LUZP2: variants seen among roughly 807,000 people sequenced by gnomAD.
LUZP2 encodes the protein leucine zipper protein 2.
A neutral mutation model predicts 51.6 loss-of-function variants in LUZP2; 52 were observed. The ratio of observed to expected loss-of-function variants is 1.01; its 90% CI spans 0.81 to 1.27. The LOEUF is 1.27. LUZP2 is among the 50% of genes most tolerant of loss of function. The pLI, the probability that LUZP2 is intolerant of heterozygous loss-of-function variation, is 0.00. For missense variants in LUZP2, 436 were observed against 395.4 expected (o/e 1.10, Z -0.87); for synonymous variants, 154 against 137.3 (o/e 1.12, Z -0.85).
intron 1 of LUZP2, among the ~76,000 whole-genome samples, chr11:24,528,298 C>T (rs573497731): frequency 6.6e-6 from 1 of 151,170 alleles, no homozygotes; most frequent in Non-Finnish European, 1.5e-5. Context: ...TTCCTTACTG[C>T]AGGAATTTCT....
chr11:24,673,479 G>A (rs1263213697), intron 1 of LUZP2, among the ~76,000 whole-genome samples: 1 of 152,164 alleles, frequency 6.6e-6, no homozygotes, highest in Non-Finnish European at 1.5e-5. Context: ...GGTCATGGGT[G>A]TTAAGAGATT....
intron 5 of LUZP2, among the ~76,000 whole-genome samples, chr11:24,795,136 A>G (rs1232545487): frequency 6.6e-6 from 1 of 152,176 alleles, no homozygotes; most frequent in Non-Finnish European, 1.5e-5. Flanking sequence ...AACCACTAAC[A>G]TAGTAATCAT....
At chr11:25,078,527 A>G in intron 11 of LUZP2, 27 bp from the exon 12 acceptor site, 1 of 1,554,684 alleles carries the variant, frequency 6.4e-7, no homozygotes, top group Admixed American at 1.8e-5. Context: ...TGATTCTTCG[A>G]ATTGTCTTTT....
intron 1 of LUZP2, among the ~76,000 whole-genome samples, chr11:24,579,023 T>C (rs549981955): frequency 6.6e-6 from 1 of 152,256 alleles, no homozygotes; most frequent in African/African-American, 2.4e-5. Context: ...TTTCTTGGTA[T>C]ATAGCACCAT....
At chr11:24,689,425 G>A (rs1857000073) in intron 1 of LUZP2, among the ~76,000 whole-genome samples, 1 of 152,166 alleles carries the variant, frequency 6.6e-6, no homozygotes, top group Non-Finnish European at 1.5e-5. Context: ...GTCTCTTAGT[G>A]CGTATGCTTG....
chr11:24,686,916 G>A (rs184951876), intron 1 of LUZP2, among the ~76,000 whole-genome samples: 1 of 152,134 alleles, frequency 6.6e-6, no homozygotes, highest in Admixed American at 6.5e-5. Flanking sequence ...AAACTTTCCA[G>A]CATAATTTTA....
At chr11:24,542,945 A>C (rs190772272) in intron 1 of LUZP2, among the ~76,000 whole-genome samples, 22 of 152,010 alleles carry the variant, frequency 1.4e-4, no homozygotes, top group Admixed American at 1.1e-3. Flanking sequence ...AAACTAGAAA[A>C]ATTTAGAATG....
chr11:25,018,998 G>T (rs1857248238), intron 9 of LUZP2, among the ~76,000 whole-genome samples: 1 of 152,084 alleles, frequency 6.6e-6, no homozygotes, highest in Non-Finnish European at 1.5e-5. Context: ...CCAAAATTTT[G>T]CTACCCTCCT....
At chr11:24,857,968 T>C (rs1467950669) in intron 5 of LUZP2, among the ~76,000 whole-genome samples, 2 of 152,172 alleles carry the variant, frequency 1.3e-5, no homozygotes, top group Non-Finnish European at 1.5e-5. Flanking sequence ...TCAGCCCCTA[T>C]AATTATATGC....
chr11:25,048,359 T>C (rs1858385388), intron 9 of LUZP2, among the ~76,000 whole-genome samples: 2 of 152,228 alleles, frequency 1.3e-5, no homozygotes, highest in South Asian at 2.1e-4. Flanking sequence ...CTTTTCTTAT[T>C]ACCCCAAATG....
chr11:24,546,956 G>A (rs950673732), intron 1 of LUZP2, among the ~76,000 whole-genome samples: 1 of 63,442 alleles, frequency 1.6e-5, no homozygotes, highest in African/African-American at 6.0e-5. Context: ...TGTTGTTGTT[G>A]TTGTTGTTGG....
At chr11:24,610,812 G>T (rs572016742) in intron 1 of LUZP2, among the ~76,000 whole-genome samples, 3 of 152,252 alleles carry the variant, frequency 2.0e-5, no homozygotes, top group Admixed American at 6.5e-5. Context: ...GGGCGTGGGG[G>T]CACGTGCCTG....
In LUZP2 at chr11:24,628,212, T is replaced by TACACAC. The variant is rs34309953; in HGVS notation, c.63-100940_63-100935dup. ...ACACGCACACACACACACCCATGCATACACACACACACACACACACACCTG... is the reference window on the plus strand; with the variant it reads ...ACACGCACACACACACACCCATGCATACACACACACACACACACACACACACACCTG... On this transcript the variant is annotated intron_variant, in intron 1 of 11. Coordinates refer to ENST00000336930, the MANE Select transcript of LUZP2 (RefSeq NM_001009909.4). Among the ~76,000 whole-genome samples, 17 of 150,154 alleles carry TACACAC rather than the reference T, an allele frequency of 1.1e-4. 2 individuals carry two copies. The highest frequency in any genetic ancestry group is 3.4e-3 in the Middle Eastern group (1 of 294).
In LUZP2 at chr11:24,639,939, C is replaced by G. The variant is rs557919405; in HGVS notation, c.63-89230C>G. Among the ~76,000 whole-genome samples the G allele has an allele frequency of 7.2e-5, 11 of 151,992 alleles. No homozygotes were observed. In the South Asian group the frequency reaches 2.3e-3, roughly 31 times the overall value. ...GGAGCACAAGAGTTCAATTCCAGCT[C>G]TGTGAAGACTTTATTTAAAGCAATA... On this transcript the variant is annotated intron_variant, in intron 1 of 11. Transcript: ENST00000336930.
chr11:24,653,047 A>G (rs1158927324), intron 1 of LUZP2, among the ~76,000 whole-genome samples: 2 of 152,196 alleles, frequency 1.3e-5, no homozygotes, highest in Non-Finnish European at 2.9e-5. Context: ...GGTGGGGAAC[A>G]AAATATGTGG....
At chr11:24,699,280 A>G (rs12269734) in intron 1 of LUZP2, among the ~76,000 whole-genome samples, 1,876 of 152,192 alleles carry the variant, frequency 0.012, 49 homozygotes, top group African/African-American at 0.043. Flanking sequence ...ATTTTACTAG[A>G]ATCCATGTTG....
At chr11:24,871,206 TTTAC>T (rs1852060323) in intron 5 of LUZP2, among the ~76,000 whole-genome samples, 1 of 152,086 alleles carries the variant, frequency 6.6e-6, no homozygotes, top group South Asian at 2.1e-4. Context: ...TTCCTGTATA[TTTAC>T]TTAAATTTTT....
At chr11:24,759,538 C>G (rs1456005642) in intron 4 of LUZP2, among the ~76,000 whole-genome samples, 1 of 151,890 alleles carries the variant, frequency 6.6e-6, no homozygotes, top group Non-Finnish European at 1.5e-5. Context: ...TTTCATTATA[C>G]TTTAATTAAA....
At chr11:25,071,669 T>A (rs1281603243) in intron 10 of LUZP2, among the ~76,000 whole-genome samples, 1 of 151,012 alleles carries the variant, frequency 6.6e-6, no homozygotes, top group Non-Finnish European at 1.5e-5. Flanking sequence ...GGGCCTGTCA[T>A]GGGGTTGGGG....
Sources: gnomAD v4.1 joint callset for allele counts (sites outside exome capture counted in the v4.1 genomes callset) on GRCh38, gnomAD v4.1.1 for gene constraint, MANE v1.5 for transcripts, NCBI Gene and HGNC (gene_info 2026-07-23, HGNC 2026-07-21) for gene names.